Variants in CMSS1 observed in about 807,000 individuals in gnomAD.
CMSS1 encodes protein CMSS1.
CMSS1 carries 33 observed loss-of-function variants against 43.5 expected under a neutral mutation model. The ratio of observed to expected loss-of-function variants is 0.76; its 90% CI spans 0.57 to 1.01. The LOEUF is 1.01. CMSS1 is among the 50% of genes least tolerant of loss of function. The probability of loss-of-function intolerance (pLI) is 0.00; values close to 1 mark genes in which losing one functional copy is unlikely to be tolerated. For synonymous variants in CMSS1, 115 were observed against 117.2 expected, an observed-to-expected ratio of 0.98 and a Z score of 0.12; for missense variants, 313 against 326.4, an observed-to-expected ratio of 0.96 and a Z score of 0.32.
chr3:100,123,756 T>C (rs1371133216), intron 1 of CMSS1, among the ~76,000 whole-genome samples: 2 of 152,212 alleles, frequency 1.3e-5, no homozygotes, highest in African/African-American at 4.8e-5. Flanking sequence ...GTGTCAGAAG[T>C]GCTGTCTTTC....
intron 1 of CMSS1, among the ~76,000 whole-genome samples, chr3:99,910,847 A>C (rs1706764740): frequency 6.6e-6 from 1 of 152,200 alleles, no homozygotes; most frequent in South Asian, 2.1e-4. Context: ...AATGTTGCCC[A>C]AGAAACTTGG....
intron 1 of CMSS1, among the ~76,000 whole-genome samples, chr3:100,109,112 CT>C (rs1559760298): frequency 6.7e-6 from 1 of 150,054 alleles, no homozygotes; most frequent in Non-Finnish European, 1.5e-5. Flanking sequence ...GCATATTTCT[CT>C]GCCACTAACT....
chr3:100,113,176 A>C (rs2066519239), intron 1 of CMSS1, among the ~76,000 whole-genome samples: 1 of 152,234 alleles, frequency 6.6e-6, no homozygotes, highest in African/African-American at 2.4e-5. Flanking sequence ...AGAAAAAAGA[A>C]TAACTGAATA....
At position 100,095,018 on chromosome 3, in the gene CMSS1, T is replaced by C. The variant is rs960430410; in HGVS notation, c.65-51955T>C. 1.1e-4 allele frequency among the ~76,000 whole-genome samples: 16 copies of C among 152,284 alleles called. 1 individual carries two copies. In the East Asian group the frequency reaches 1.9e-3, roughly 18 times the overall value. Reference sequence around the variant, plus strand: ...CTGTCTTTTGTTGGCTGAGTTGCTTTTGCACTGTTGTGAAAAACCAGGCAG... The same window carrying C: ...CTGTCTTTTGTTGGCTGAGTTGCTTCTGCACTGTTGTGAAAAACCAGGCAG... On this transcript the variant is annotated intron_variant, in intron 1 of 9. Coordinates refer to ENST00000421999, the MANE Select transcript of CMSS1 (RefSeq NM_032359.4).
intron 1 of CMSS1, among the ~76,000 whole-genome samples, chr3:99,885,512 G>T (rs929613515): frequency 6.6e-6 from 1 of 152,160 alleles, no homozygotes; most frequent in Non-Finnish European, 1.5e-5. Context: ...TAAACTCAAG[G>T]ATTTAAAATT....
At chr3:100,013,718 G>A (rs1288978774) in intron 1 of CMSS1, among the ~76,000 whole-genome samples, 1 of 152,096 alleles carries the variant, frequency 6.6e-6, no homozygotes, top group African/African-American at 2.4e-5. Context: ...TAAAAATTGT[G>A]TACATTGACT....
rs1336397892 is a variant in CMSS1 at position 100,147,034 on chromosome 3, T to C, written c.126T>C (p.Val42=). Residue 42 remains valine (V), a synonymous_variant, in exon 2 of 10, where the codon GTT becomes GTC. Transcript: ENST00000421999. ...TGATGCAGCAGGAGACAGTTCCAGT[T>C]CCTGTACCTTCAGAGAAAACCAAAC... is the stretch of plus-strand genomic sequence containing the variant. The part of the protein sequence containing the change: ...TEVMQQETVP[V]PVPSEKTKQP... 28 of 1,613,928 alleles carry C rather than the reference T, an allele frequency of 1.7e-5. No homozygotes were observed. Among genetic ancestry groups the C allele is most frequent in the Non-Finnish European group, 2.4e-5 (28 of 1,179,888 alleles).
intron 1 of CMSS1, among the ~76,000 whole-genome samples, chr3:100,003,303 T>C (rs935428022): frequency 6.6e-6 from 1 of 152,214 alleles, no homozygotes; most frequent in Non-Finnish European, 1.5e-5. Context: ...TTGATTTCTG[T>C]CTCAGTGTAG....
At chr3:99,820,535 A>C (rs894718098) in intron 1 of CMSS1, among the ~76,000 whole-genome samples, 4 of 152,216 alleles carry the variant, frequency 2.6e-5, no homozygotes, top group African/African-American at 9.6e-5. Flanking sequence ...TAAATTTATC[A>C]GAGGCCTTTG....
At chr3:100,040,537 A>G (rs1347896561) in intron 1 of CMSS1, 2 of 152,318 alleles carry the variant, frequency 1.3e-5, no homozygotes, top group South Asian at 2.1e-4. Flanking sequence ...ACTTCTCTGC[A>G]TCTGCTTTTT....
intron 1 of CMSS1, among the ~76,000 whole-genome samples, chr3:99,877,537 C>T (rs1705575102): frequency 6.6e-6 from 1 of 152,130 alleles, no homozygotes; most frequent in East Asian, 1.9e-4. Context: ...CTCACTCTTG[C>T]TTTTCATATA....
chr3:99,986,531 A>G (rs1040247898), intron 1 of CMSS1, among the ~76,000 whole-genome samples: 2 of 152,220 alleles, frequency 1.3e-5, no homozygotes, highest in African/African-American at 4.8e-5. Context: ...CAGGGCTTAT[A>G]TGAGGTTGGT....
At chr3:99,907,888 G>A (rs1706672163) in intron 1 of CMSS1, among the ~76,000 whole-genome samples, 1 of 152,162 alleles carries the variant, frequency 6.6e-6, no homozygotes, top group Non-Finnish European at 1.5e-5. Flanking sequence ...CCTCCTGAGG[G>A]CAAGGGCCAT....
intron 1 of CMSS1, among the ~76,000 whole-genome samples, chr3:100,108,248 A>G (rs999295204): frequency 1.3e-5 from 2 of 152,144 alleles, no homozygotes; most frequent in African/African-American, 4.8e-5. Flanking sequence ...AGCCTTTCAG[A>G]AGGAACTGAC....
At chr3:100,011,242 G>C (rs1452892028) in intron 1 of CMSS1, among the ~76,000 whole-genome samples, 1 of 152,106 alleles carries the variant, frequency 6.6e-6, no homozygotes, top group African/African-American at 2.4e-5. Flanking sequence ...TATGAACTTA[G>C]GAATTCTTTT....
At chr3:99,875,594 G>A (rs1346195338) in intron 1 of CMSS1, among the ~76,000 whole-genome samples, 1 of 152,172 alleles carries the variant, frequency 6.6e-6, no homozygotes, top group African/African-American at 2.4e-5. Context: ...ATTCCAAGAT[G>A]TATTCCTAAC....
chr3:100,145,702 G>A (rs1354404504), intron 1 of CMSS1, among the ~76,000 whole-genome samples: 2 of 152,190 alleles, frequency 1.3e-5, no homozygotes, highest in Non-Finnish European at 2.9e-5. Flanking sequence ...ATAGGCTTGC[G>A]ACCCAGGAAG....
At chr3:99,911,106 A>G (rs1238498992) in intron 1 of CMSS1, among the ~76,000 whole-genome samples, 2 of 152,138 alleles carry the variant, frequency 1.3e-5, no homozygotes, top group Non-Finnish European at 2.9e-5. Flanking sequence ...GTAGCGCATT[A>G]CACACCCACA....
intron 1 of CMSS1, among the ~76,000 whole-genome samples, chr3:100,015,140 T>TA (rs1439785433): frequency 6.6e-6 from 1 of 151,992 alleles, no homozygotes; most frequent in Admixed American, 6.6e-5. Context: ...CACCATTTGT[T>TA]AAAGATGCTG....
Sources: allele counts gnomAD v4.1 joint callset (sites outside exome capture counted in the v4.1 genomes callset), GRCh38; gene constraint gnomAD v4.1.1; transcripts MANE v1.5; gene names NCBI Gene and HGNC (gene_info 2026-07-23, HGNC 2026-07-21).